CELF2: variants seen among roughly 807,000 people sequenced by gnomAD.
The protein encoded by CELF2 is CUGBP Elav-like family member 2.
CELF2 carries 8 observed loss-of-function variants against 62.6 expected under a neutral mutation model. The observed-to-expected ratio is 0.13, with a 90% CI of 0.07 to 0.23. The LOEUF (loss-of-function observed/expected upper bound fraction) is 0.23. Among genes scored for constraint, CELF2 ranks in the 10% least tolerant of loss-of-function variants. The pLI, the probability that CELF2 is intolerant of heterozygous loss-of-function variation, is 1.00. For synonymous variants in CELF2, 258 were observed against 250.0 expected, an observed-to-expected ratio of 1.03 and a Z score of -0.30; for missense variants, 333 against 671.0, an observed-to-expected ratio of 0.50 and a Z score of 5.56.
intron 3 of CELF2, among the ~76,000 whole-genome samples, chr10:11,232,038 A>G (rs561849375): frequency 1.3e-5 from 2 of 152,286 alleles, no homozygotes; most frequent in South Asian, 4.1e-4. Flanking sequence ...CATGTGCACA[A>G]CGTGCAGGTT....
At chr10:10,804,920 C>T (rs149622979) in intron 1 of CELF2, among the ~76,000 whole-genome samples, 75 of 152,030 alleles carry the variant, frequency 4.9e-4, no homozygotes, top group Middle Eastern at 3.4e-3. Flanking sequence ...GGATACCCTT[C>T]GGTTCATGTC....
intron 1 of CELF2, among the ~76,000 whole-genome samples, chr10:11,137,987 C>T (rs1363317088): frequency 6.6e-6 from 1 of 152,092 alleles, no homozygotes; most frequent in Non-Finnish European, 1.5e-5. Context: ...ATAATTTGCA[C>T]AGTTTGTTAA....
At chr10:10,596,256 TA>T in the CELF2 span, among the ~76,000 whole-genome samples, 84,108 of 146,840 alleles carry the variant, frequency 0.57, 26,216 homozygotes, top group Middle Eastern at 0.74. Context: ...CTTCTACCTG[TA>T]AAAAAAAAAA....
At position 11,165,923 on chromosome 10, in the gene CELF2, G is replaced by A. The variant is rs1209672853; in HGVS notation, c.271+241G>A. Among the ~76,000 whole-genome samples, 1 of 152,256 alleles carries A rather than the reference G, an allele frequency of 6.6e-6. No individual in the cohort carries two copies. The highest frequency in any genetic ancestry group is 1.5e-5 in the Non-Finnish European group (1 of 68,038). ...GACCGAGGCAGGGCGGGAGCGCAGA[G>A]GCTCGGTCCAGGCGCGTGATCGCTC... On this transcript the variant is annotated intron_variant, in intron 2 of 12. Transcript: ENST00000633077. The surrounding 1 kb of genome is among the most constrained non-coding windows in gnomAD (Gnocchi z 7.4).
chr10:10,577,608 T>C, the CELF2 span, among the ~76,000 whole-genome samples: 1 of 148,068 alleles, frequency 6.8e-6, no homozygotes, highest in Non-Finnish European at 1.5e-5. Flanking sequence ...GAACATGCGG[T>C]GTTTGTTTTT....
In CELF2 at chr10:11,274,959, C is replaced by T. The variant is rs1294601078; in HGVS notation, c.778-98C>T. On this transcript the variant is annotated intron_variant, in intron 7 of 12. Transcript: ENST00000633077. ...TCCATCAGTAGGGAGTAGCAACCAA[C>T]CCTGGAAATGCAGAGTAAACTGAAT... is the stretch of plus-strand genomic sequence containing the variant. 1.7e-5 allele frequency: 20 copies of T among 1,172,064 alleles called. No individual in the cohort carries two copies. In the Admixed American group the frequency reaches 3.2e-4, roughly 19 times the overall value. The allele number at this position is 1,172,064 out of a possible 1,614,324, so 72.6% of individuals were successfully genotyped here.
At chr10:11,123,109 T>C (rs566926491) in intron 1 of CELF2, among the ~76,000 whole-genome samples, 2 of 152,238 alleles carry the variant, frequency 1.3e-5, no homozygotes, top group African/African-American at 4.8e-5. Flanking sequence ...AGCTCTCCAG[T>C]TGTGTGTCTG....
At chr10:10,678,291 T>C in the CELF2 span, among the ~76,000 whole-genome samples, 1 of 152,044 alleles carries the variant, frequency 6.6e-6, no homozygotes, top group Non-Finnish European at 1.5e-5. Flanking sequence ...CATTTAAAAT[T>C]GTTTTGCCTT....
chr10:10,574,771 A>G, the CELF2 span, among the ~76,000 whole-genome samples: 2 of 151,682 alleles, frequency 1.3e-5, no homozygotes, highest in Non-Finnish European at 2.9e-5. Context: ...GTGCAGTGGC[A>G]TGATCTTTGC....
At chr10:11,024,228 A>C (rs2058769587) in intron 1 of CELF2, among the ~76,000 whole-genome samples, 4 of 152,232 alleles carry the variant, frequency 2.6e-5, no homozygotes, top group African/African-American at 9.6e-5. Context: ...GGAGTCACCT[A>C]GGTAGTTGAC....
intron 2 of CELF2, among the ~76,000 whole-genome samples, chr10:10,996,715 C>T (rs192475772): frequency 9.2e-5 from 14 of 152,234 alleles, no homozygotes; most frequent in South Asian, 8.3e-4. Flanking sequence ...CCTTTGTCCC[C>T]GCTGTCAAGT....
rs955368634 is a variant in CELF2, at chr10:11,227,429, G to T, written c.354+9922G>T. 6.6e-6 allele frequency among the ~76,000 whole-genome samples: 1 copy of T among 152,144 alleles called. No individual in the cohort carries two copies. Among genetic ancestry groups the T allele is most frequent in the Admixed American group, 6.5e-5 (1 of 15,276 alleles). On this transcript the variant is annotated intron_variant, in intron 3 of 12. Coordinates refer to ENST00000633077, the MANE Select transcript of CELF2 (RefSeq NM_001326342.2). The surrounding 1 kb of genome is among the most constrained non-coding windows in gnomAD (Gnocchi z 4.8). ...CCATGAGACAGCGCTGCTGCTCTCCGCATCACAGCAAAGTCAAGGCAAAGG... is the reference window on the plus strand; with the variant it reads ...CCATGAGACAGCGCTGCTGCTCTCCTCATCACAGCAAAGTCAAGGCAAAGG...
chr10:10,694,107 G>A, the CELF2 span, among the ~76,000 whole-genome samples: 5 of 150,444 alleles, frequency 3.3e-5, no homozygotes, highest in Admixed American at 2.0e-4. Flanking sequence ...TGATGTTAGG[G>A]TGTCAATTTT....
the CELF2 span, among the ~76,000 whole-genome samples, chr10:10,783,298 C>T: frequency 1.3e-5 from 2 of 152,028 alleles, no homozygotes; most frequent in Non-Finnish European, 2.9e-5. Context: ...GTGTCCTTAG[C>T]AAAAGGGAGA....
At chr10:10,649,653 G>A in the CELF2 span, among the ~76,000 whole-genome samples, 2 of 152,190 alleles carry the variant, frequency 1.3e-5, no homozygotes, top group African/African-American at 4.8e-5. Context: ...AGTTGGATCT[G>A]GAGTGATTCA....
Position 11,309,065 on chromosome 10 carries a change from TATC to T in CELF2, c.977-5071_977-5069del, listed in dbSNP as rs1309714471. On this transcript the variant is annotated intron_variant, in intron 9 of 12. Transcript: ENST00000633077. The surrounding 1 kb of genome is among the most constrained non-coding windows in gnomAD (Gnocchi z 5.6). ...CTTTAGGCATGATTTTTTAGATTGT[TATC>T]ATATTTATAATAGCTGCTTTCATGT... 7.9e-5 allele frequency among the ~76,000 whole-genome samples: 12 copies of T among 152,370 alleles called. No individual in the cohort carries two copies. Among genetic ancestry groups the T allele is most frequent in the South Asian group, 2.1e-4 (1 of 4,832 alleles).
the CELF2 span, among the ~76,000 whole-genome samples, chr10:10,678,982 A>G: frequency 6.6e-6 from 1 of 152,216 alleles, no homozygotes; most frequent in African/African-American, 2.4e-5. Flanking sequence ...AAAACAAATC[A>G]AAACCAATAT....
chr10:11,103,507 T>TTTTTTTTTTTTTTTTTTTTTTTTA (rs2052460688), intron 1 of CELF2, among the ~76,000 whole-genome samples: 1 of 150,312 alleles, frequency 6.7e-6, no homozygotes, highest in African/African-American at 2.4e-5. Context: ...TTTTTTTTTT[T>TTTTTTTTTTTTTTTTTTTTTTTTA]ACTGTGAACT....
intron 9 of CELF2, among the ~76,000 whole-genome samples, chr10:11,303,158 C>T (rs181095660): frequency 2.0e-3 from 310 of 152,320 alleles, no homozygotes; most frequent in Middle Eastern, 3.4e-3. Context: ...ACCCACTGAT[C>T]CTAATTTTGA....
Sources: allele counts gnomAD v4.1 joint callset (sites outside exome capture counted in the v4.1 genomes callset), GRCh38; gene constraint gnomAD v4.1.1; non-coding constraint Gnocchi (gnomAD v3.1); transcripts MANE v1.5; gene names NCBI Gene and HGNC (gene_info 2026-07-23, HGNC 2026-07-21).